MMP26: variants seen among roughly 807,000 people sequenced by gnomAD.
MMP26 encodes matrix metallopeptidase 26, also known as matrix metalloproteinase-26.
Under a neutral mutation model 31.0 loss-of-function variants are expected in MMP26, and 33 were observed. The observed-to-expected ratio is 1.06, with a 90% confidence interval of 0.81 to 1.42. The LOEUF (loss-of-function observed/expected upper bound fraction) is 1.42. MMP26 is among the 40% of genes most tolerant of loss of function. The pLI is 0.00. For synonymous variants in MMP26, 122 were observed against 114.9 expected (o/e 1.06, Z -0.40); for missense variants, 347 against 316.1 (o/e 1.10, Z -0.74).
intron 2 of MMP26, among the ~76,000 whole-genome samples, chr11:4,861,678 A>G (rs924198559): frequency 6.6e-6 from 1 of 152,102 alleles, no homozygotes; most frequent in Non-Finnish European, 1.5e-5. Flanking sequence ...GATAAAAGTT[A>G]TTGGCTCATA....
intron 2 of MMP26, among the ~76,000 whole-genome samples, chr11:4,957,463 A>G (rs1052440394): frequency 1.3e-5 from 2 of 152,124 alleles, no homozygotes; most frequent in Non-Finnish European, 2.9e-5. Flanking sequence ...TCCTCTTGTA[A>G]TTGGGCAGCA....
At position 4,848,721 on chromosome 11, in the gene MMP26, A is replaced by G; in HGVS notation, c.-145+81380A>G. On this transcript the variant is annotated intron_variant, in intron 2 of 7. Transcript: ENST00000380390. The stretch of plus-strand genomic sequence containing the variant: ...CAGCAGGAATGGCAGGGGCAGATGG[A>G]GACCCAGGCATCGAAAAGAAATGGC... 3 of 1,614,042 alleles carry G rather than the reference A, an allele frequency of 1.9e-6. No individual in the cohort carries two copies. In the South Asian group the frequency reaches 3.3e-5, roughly 18 times the overall value.
At chr11:4,747,031 C>T (rs940175409) in intron 1 of MMP26, among the ~76,000 whole-genome samples, 11 of 152,228 alleles carry the variant, frequency 7.2e-5, no homozygotes, top group South Asian at 2.1e-4. Context: ...ACTGCCAAAT[C>T]CCAGGTCATT....
In MMP26 at chr11:4,719,335, A is replaced by G. The variant is rs532936480; in HGVS notation, c.-217+14290A>G. On this transcript the variant is annotated intron_variant, in intron 1 of 7. Coordinates refer to ENST00000380390, the MANE Select transcript of MMP26 (RefSeq NM_021801.5). ...GGAAGAAAGGAAGAAAGCCTTCAGC[A>G]CATGTATCTCCCATATTGGGGCTGT... 5.9e-4 allele frequency: 91 copies of G among 153,630 alleles called. 3 individuals are homozygous for G. The South Asian group carries it at 0.018, about 30-fold the overall frequency. 9.5% of individuals were successfully genotyped at this position (153,630 alleles called of 1,614,324 possible).
intron 2 of MMP26, among the ~76,000 whole-genome samples, chr11:4,789,677 A>T (rs1426591242): frequency 2.0e-5 from 3 of 150,848 alleles, no homozygotes; most frequent in Non-Finnish European, 4.4e-5. Flanking sequence ...AGTAGCTGGG[A>T]CTACAGGTGC....
At chr11:4,991,106 G>C (rs1438289811) in intron 5 of MMP26, among the ~76,000 whole-genome samples, 1 of 152,124 alleles carries the variant, frequency 6.6e-6, no homozygotes, top group Non-Finnish European at 1.5e-5. Context: ...ATTTTGAAAA[G>C]AGGTTATCAT....
chr11:4,758,466 GAAAAAAAAAAAAAA>G (rs376347621), intron 1 of MMP26, among the ~76,000 whole-genome samples: 1 of 93,346 alleles, frequency 1.1e-5, no homozygotes, highest in African/African-American at 3.5e-5. Flanking sequence ...CATCCATTTG[GAAAAAAAAAAAAAA>G]AAAAAAACTA....
intron 2 of MMP26, among the ~76,000 whole-genome samples, chr11:4,858,367 C>G (rs1284400218): frequency 6.6e-6 from 1 of 152,182 alleles, no homozygotes; most frequent in Non-Finnish European, 1.5e-5. Flanking sequence ...TGATAAGCAG[C>G]TTCAGCAAAG....
chr11:4,801,794 C>G (rs987530928), intron 2 of MMP26, among the ~76,000 whole-genome samples: 3 of 152,074 alleles, frequency 2.0e-5, no homozygotes, highest in African/African-American at 7.2e-5. Flanking sequence ...CCTGCCTCGG[C>G]TCCCGAAGTG....
At chr11:4,819,566 ATTTTTTTTTTTTT>A (rs71050433) in intron 2 of MMP26, among the ~76,000 whole-genome samples, 67 of 50,306 alleles carry the variant, frequency 1.3e-3, no homozygotes, top group Non-Finnish European at 1.7e-3. Context: ...GAGTCGACTG[ATTTTTTTTTTTTT>A]TTTTTTTTTT....
chr11:4,745,069 C>T (rs7109036), intron 1 of MMP26, among the ~76,000 whole-genome samples: 6,658 of 152,046 alleles, frequency 0.044, 463 homozygotes, highest in African/African-American at 0.15. Flanking sequence ...CTTGCTATGA[C>T]TTATTAAAAT....
intron 2 of MMP26, chr11:4,943,633 A>T (rs1310306900): frequency 2.7e-6 from 1 of 368,450 alleles, no homozygotes; most frequent in Non-Finnish European, 5.4e-6. Flanking sequence ...AGGTTGCAAC[A>T]ACCGAAGATG....
At chr11:4,923,314 G>A (rs951644242) in intron 2 of MMP26, 1 of 1,497,354 alleles carries the variant, frequency 6.7e-7, no homozygotes, top group East Asian at 2.3e-5. Flanking sequence ...CCACAGCACA[G>A]CTGAAAACAA....
At chr11:4,715,449 T>C (rs1847916945) in intron 1 of MMP26, among the ~76,000 whole-genome samples, 1 of 152,194 alleles carries the variant, frequency 6.6e-6, no homozygotes, top group South Asian at 2.1e-4. Context: ...ATGTTTAATT[T>C]ATACGTAGTT....
chr11:4,837,100 A>G (rs1554886187), intron 2 of MMP26, among the ~76,000 whole-genome samples: 1 of 152,142 alleles, frequency 6.6e-6, no homozygotes, highest in Non-Finnish European at 1.5e-5. Flanking sequence ...AAGGCATAAA[A>G]CAAAAATGTT....
intron 2 of MMP26, among the ~76,000 whole-genome samples, chr11:4,974,508 A>G (rs151256196): frequency 1.3e-5 from 2 of 152,004 alleles, no homozygotes; most frequent in East Asian, 3.9e-4. Flanking sequence ...GATCATTATG[A>G]TTTTATTGCT....
chr11:4,975,431 G>C (rs971611918), intron 2 of MMP26, among the ~76,000 whole-genome samples: 1 of 151,998 alleles, frequency 6.6e-6, no homozygotes, highest in East Asian at 1.9e-4. Context: ...ATATTAATCT[G>C]AAAAGAGTGA....
chr11:4,747,042 G>T (rs898710322), intron 1 of MMP26, among the ~76,000 whole-genome samples: 2 of 152,262 alleles, frequency 1.3e-5, no homozygotes, highest in East Asian at 1.9e-4. Flanking sequence ...CCAGGTCATT[G>T]ATCCTGGCAA....
At chr11:4,723,797 G>A (rs1175005828) in intron 1 of MMP26, 11 of 1,571,954 alleles carry the variant, frequency 7.0e-6, no homozygotes, top group South Asian at 5.5e-5. Flanking sequence ...TGCTGCTGCA[G>A]GAGGCTCCAC....
Sources: allele counts gnomAD v4.1 joint callset (sites outside exome capture counted in the v4.1 genomes callset), GRCh38; gene constraint gnomAD v4.1.1; transcripts MANE v1.5; gene names NCBI Gene and HGNC (gene_info 2026-07-23, HGNC 2026-07-21).